The following MYO5C variants were observed in gnomAD, a reference collection of about 807,000 sequenced individuals.
MYO5C encodes the protein unconventional myosin-Vc.
Under a neutral mutation model 235.7 loss-of-function variants are expected in MYO5C, and 194 were observed. That is an observed-to-expected ratio of 0.82 (90% CI 0.73 to 0.93). The LOEUF is 0.93. Ranked by LOEUF, MYO5C falls within the 40% of genes least tolerant of loss-of-function variation. The pLI, the probability that MYO5C is intolerant of heterozygous loss-of-function variation, is 0.00. For missense variants in MYO5C, 2,038 were observed against 2,127.2 expected (o/e 0.96, Z 0.82); for synonymous variants, 707 against 754.8 (o/e 0.94, Z 1.04).
At position 52,248,778 on chromosome 15, in the gene MYO5C, C is replaced by T. The variant is rs781386466; in HGVS notation, c.1668G>A (p.Glu556=). Residue 556 remains glutamate, a synonymous_variant, in exon 14 of 41, where the codon GAG becomes GAA. Transcript: ENST00000261839. ...FVIQHFADKV[E]YKCEGFLEKN... Reference sequence around the variant, plus strand: ...TCTCCAGGAAACCTTCACATTTATACTCTACCTATACAGAGAAAGCAATTA... The same window carrying T: ...TCTCCAGGAAACCTTCACATTTATATTCTACCTATACAGAGAAAGCAATTA... 8.1e-6 allele frequency: 13 copies of T among 1,611,238 alleles called. No homozygotes were observed. The highest frequency in any genetic ancestry group is 3.3e-5 in the Admixed American group (2 of 59,982).
chr15:52,240,837 T>C (rs1047612576), intron 20 of MYO5C, among the ~76,000 whole-genome samples: 5 of 152,212 alleles, frequency 3.3e-5, no homozygotes, highest in African/African-American at 4.8e-5. Context: ...AAAGTATCTT[T>C]GGACAACTTT....
chr15:52,245,484 T>C lies in MYO5C; in HGVS notation c.2067-19A>G, dbSNP rs1170376276. ...TGTCCACCTGGAAAATCAAAGGGGA[T>C]CAAAGCCAGGAGTGTCAGAGGAAGC... On this transcript the variant is annotated intron_variant, in intron 17 of 40. Coordinates refer to ENST00000261839, the MANE Select transcript of MYO5C (RefSeq NM_018728.4). 6.4e-7 allele frequency: 1 copy of C among 1,567,628 alleles called. No individual in the cohort carries two copies. The highest frequency in any genetic ancestry group is 1.4e-5 in the African/African-American group (1 of 73,954).
In MYO5C at chr15:52,197,584, C is replaced by T. The variant is rs546003631; in HGVS notation, c.4821-1101G>A. 2.0e-5 allele frequency among the ~76,000 whole-genome samples: 3 copies of T among 152,232 alleles called. 1 individual carries two copies. The highest frequency in any genetic ancestry group is 7.2e-5 in the African/African-American group (3 of 41,544). On this transcript the variant is annotated intron_variant, in intron 38 of 40. Coordinates refer to ENST00000261839, the MANE Select transcript of MYO5C (RefSeq NM_018728.4). Reference sequence around the variant, plus strand: ...TATAATTACATTACAGTGATAGTTGCACAACTACGTAAATATATCAAAAAC... The same window carrying T: ...TATAATTACATTACAGTGATAGTTGTACAACTACGTAAATATATCAAAAAC...
At chr15:52,220,811 C>T (rs940153107) in intron 30 of MYO5C, among the ~76,000 whole-genome samples, 7 of 144,814 alleles carry the variant, frequency 4.8e-5, no homozygotes, top group South Asian at 4.5e-4. Context: ...TGGGCAAGGG[C>T]GAAACTCAGT....
At chr15:52,261,252 G>A in intron 9 of MYO5C, 125 bp from the exon 10 acceptor site, 1 of 1,159,896 alleles carries the variant, frequency 8.6e-7, no homozygotes, top group Non-Finnish European at 1.2e-6. Flanking sequence ...CTGGCACAAG[G>A]ACGCCCAGCC....
At chr15:52,202,114 C>A (rs944986300) in intron 38 of MYO5C, among the ~76,000 whole-genome samples, 7 of 152,024 alleles carry the variant, frequency 4.6e-5, no homozygotes, top group Non-Finnish European at 8.8e-5. Flanking sequence ...GCATAGATTC[C>A]AGCCTGAGCA....
intron 2 of MYO5C, among the ~76,000 whole-genome samples, chr15:52,281,995 G>GATGTCACT (rs2140860933): frequency 6.6e-6 from 1 of 152,314 alleles, no homozygotes; most frequent in Non-Finnish European, 1.5e-5. Context: ...AATCCAGTGG[G>GATGTCACT]ATGTCACTAC....
At chr15:52,223,987 G>GT (rs2035760546) in intron 28 of MYO5C, among the ~76,000 whole-genome samples, 1 of 152,186 alleles carries the variant, frequency 6.6e-6, no homozygotes, top group South Asian at 2.1e-4. Context: ...ACTCTTAATA[G>GT]TTTAAAAAAT....
chr15:52,293,904 C>T (rs2037445980), intron 1 of MYO5C, among the ~76,000 whole-genome samples: 1 of 152,234 alleles, frequency 6.6e-6, no homozygotes, highest in Admixed American at 6.5e-5. Context: ...CTGCCATGGC[C>T]CTCCCCTTCA....
chr15:52,268,735 G>C (rs1260396312), intron 8 of MYO5C, among the ~76,000 whole-genome samples: 1 of 152,160 alleles, frequency 6.6e-6, no homozygotes. Flanking sequence ...GGAAAAGTAA[G>C]GCGAGAAGGA....
chr15:52,213,118 G>A (rs1224713748), intron 34 of MYO5C, 70 bp downstream of exon 34: 18 of 1,169,378 alleles, frequency 1.5e-5, no homozygotes, highest in African/African-American at 3.0e-5. Context: ...CCCTGCCCAG[G>A]ACTTTGGCAC....
Position 52,271,822 on chromosome 15 carries a change from T to C in MYO5C, c.773A>G (p.His258Arg). ...AGATGCACAAAGCTGATAGAAAATG[T>C]GGTAATTTCGTTCATTTTCCGACTG... The part of the protein sequence containing the change: ...VFQSENERNY[H>R]IFYQLCASAQ... The change falls in exon 7 of 41, where the codon CAC becomes CGC. Residue 258 changes from histidine to arginine, a missense_variant. His to Arg is a conservative substitution (Grantham distance 29). Transcript: ENST00000261839. 1.3e-6 allele frequency: 2 copies of C among 1,588,530 alleles called. No individual in the cohort carries two copies. Among genetic ancestry groups the C allele is most frequent in the South Asian group, 1.1e-5 (1 of 87,706 alleles).
rs201485345 is a variant in MYO5C, at chr15:52,275,659, G to A, written c.509C>T (p.Ser170Leu). ...AAAGTACCTCATGGCATAGCGAGCCGACACTGTCTTTCCAGCACCTGACTC... is the reference window on the plus strand; with the variant it reads ...AAAGTACCTCATGGCATAGCGAGCCAACACTGTCTTTCCAGCACCTGACTC... The part of the protein sequence containing the change: ...SGESGAGKTV[S>L]ARYAMRYFAT... The change falls in exon 5 of 41, where the codon TCG becomes TTG. Residue 170 changes from serine to leucine, a missense_variant. Transcript: ENST00000261839. 384 of 1,614,154 alleles carry A rather than the reference G, an allele frequency of 2.4e-4. No homozygotes were observed. The highest frequency in any genetic ancestry group is 2.9e-4 in the Non-Finnish European group (339 of 1,180,024).
chr15:52,236,533 G>T (rs1322127324), intron 22 of MYO5C, among the ~76,000 whole-genome samples: 3 of 152,162 alleles, frequency 2.0e-5, no homozygotes, highest in Non-Finnish European at 4.4e-5. Context: ...AAAATTAGCC[G>T]GGCGTCATGG....
At chr15:52,273,542 C>T (rs1424437946) in intron 5 of MYO5C, among the ~76,000 whole-genome samples, 6 of 152,020 alleles carry the variant, frequency 3.9e-5, no homozygotes, top group African/African-American at 9.7e-5. Flanking sequence ...GATTTTAATG[C>T]CTACATAATA....
chr15:52,236,670 C>T (rs1248210036), intron 22 of MYO5C: 1 of 151,256 alleles, frequency 6.6e-6, no homozygotes, highest in Admixed American at 6.6e-5. Context: ...AGCAAGACTC[C>T]GTCTAAAAAA....
In MYO5C at chr15:52,196,447, A is replaced by C; in HGVS notation, c.4857T>G (p.Asp1619Glu). 2 of 1,614,102 alleles carry C rather than the reference A, an allele frequency of 1.2e-6. No homozygotes were observed. Among genetic ancestry groups the C allele is most frequent in the Admixed American group, 3.3e-5 (2 of 60,002 alleles). ...TTGCTAAGCTGTTCTGCAAGTTCTT[A>C]TCTTTAAGCCATTCTTCTAAGTAGC... ...NISYLEEWLKDKNLQNSLAKE... is the reference protein window; with the variant it reads ...NISYLEEWLKEKNLQNSLAKE... The change falls in exon 39 of 41, where the codon GAT becomes GAG. Residue 1619 changes from aspartate (D) to glutamate (E), a missense_variant. Transcript: ENST00000261839.
intron 7 of MYO5C, among the ~76,000 whole-genome samples, chr15:52,270,305 T>C (rs2036891526): frequency 6.6e-6 from 1 of 151,784 alleles, no homozygotes; most frequent in Non-Finnish European, 1.5e-5. Flanking sequence ...ACAAAAAAAA[T>C]CCTACATAAC....
At chr15:52,231,764 G>A (rs956574037) in intron 24 of MYO5C, among the ~76,000 whole-genome samples, 1 of 151,996 alleles carries the variant, frequency 6.6e-6, no homozygotes, top group Non-Finnish European at 1.5e-5. Context: ...ATCTCTTTCC[G>A]GGACCCTGCC....
Sources: allele counts gnomAD v4.1 joint callset (sites outside exome capture counted in the v4.1 genomes callset), GRCh38; gene constraint gnomAD v4.1.1; transcripts MANE v1.5; gene names NCBI Gene and HGNC (gene_info 2026-07-23, HGNC 2026-07-21).